The following MYO9B variants were observed in gnomAD, a reference collection of about 807,000 sequenced individuals.
The protein encoded by MYO9B is myosin IXB, also known as unconventional myosin-IXb.
In MYO9B, 71 loss-of-function variants were observed where a neutral mutation model predicts 229.5. The ratio of observed to expected loss-of-function variants is 0.31; its 90% confidence interval spans 0.26 to 0.38. MYO9B has a LOEUF of 0.38. Among genes scored for constraint, MYO9B ranks in the 10% least tolerant of loss-of-function variants. The pLI, the probability that MYO9B is intolerant of heterozygous loss-of-function variation, is 1.00. For missense variants in MYO9B, 2,255 were observed against 2,920.5 expected (o/e 0.77, Z 5.25); for synonymous variants, 1,185 against 1,235.8 (o/e 0.96, Z 0.86).
rs1555704424 is a variant in MYO9B, at chr19:17,197,445, T to TAGAC, written c.4047-344_4047-343insCAGA. 2.3e-3 allele frequency among the ~76,000 whole-genome samples: 347 copies of TAGAC among 151,158 alleles called. 1 individual carries two copies. Among genetic ancestry groups the TAGAC allele is most frequent in the African/African-American group, 8.0e-3 (326 of 40,648 alleles). ...ATAGATAGATAGATAGATAGATAGA[T>TAGAC]AGATACATAGATAGATAGATGGGCA... is the stretch of plus-strand genomic sequence containing the variant. On this transcript the variant is annotated intron_variant, in intron 22 of 39. Transcript: ENST00000682292.
intron 35 of MYO9B, 172 bp downstream of exon 35, chr19:17,207,416 T>A: frequency 2.3e-6 from 2 of 855,394 alleles, no homozygotes; most frequent in Non-Finnish European, 3.5e-6. Context: ...GAGGATCACT[T>A]GAGGCCAGGA....
rs1446287974 is a variant in MYO9B, at chr19:17,154,408, A to G, written c.1192A>G (p.Lys398Glu). Residue 398 changes from lysine to glutamate, a missense_variant, in exon 6 of 40, where the codon AAG becomes GAG. Physicochemically the swap from Lys to Glu is moderately conservative, Grantham distance 56. Transcript: ENST00000682292. ...GATGGTGGGCTTCCTCCCCGCCACCAAGAAGCAGTAAGTGTGCGGGCTCCC... is the reference window on the plus strand; with the variant it reads ...GATGGTGGGCTTCCTCCCCGCCACCGAGAAGCAGTAAGTGTGCGGGCTCCC... ...MEMVGFLPAT[K>E]KQIFAVLSAI... is the part of the protein sequence containing the mutation. 2 of 1,611,102 alleles carry G rather than the reference A, an allele frequency of 1.2e-6. No homozygotes were observed. The highest frequency in any genetic ancestry group is 1.3e-5 in the African/African-American group (1 of 74,830).
At chr19:17,198,883 T>C (rs2073076373) in intron 24 of MYO9B, among the ~76,000 whole-genome samples, 1 of 144,206 alleles carries the variant, frequency 6.9e-6, no homozygotes, top group African/African-American at 2.9e-5. Flanking sequence ...AGTGTCTGTG[T>C]CTTCTGTCTT....
At position 17,180,341 on chromosome 19, in the gene MYO9B, A is replaced by ATT. The variant is rs776734202; in HGVS notation, c.2220-562_2220-561dup. Among the ~76,000 whole-genome samples, 717 of 87,904 alleles carry ATT rather than the reference A, an allele frequency of 8.2e-3. 5 individuals carry two copies. The highest frequency in any genetic ancestry group is 0.012 in the Middle Eastern group (1 of 84). 57.7% of individuals were successfully genotyped at this position (87,904 alleles called of 152,430 possible). Reference sequence around the variant, plus strand: ...AAAGTGGAATGACCAGATGGAAATAATTTTTTTTTTTTTTTTTTTTTTTTT... The same window carrying ATT: ...AAAGTGGAATGACCAGATGGAAATAATTTTTTTTTTTTTTTTTTTTTTTTTTT... On this transcript the variant is annotated intron_variant, in intron 14 of 39. Coordinates refer to ENST00000682292, the MANE Select transcript of MYO9B (RefSeq NM_004145.4).
rs935178967 is a variant in MYO9B at position 17,105,513 on chromosome 19, AG to A, written c.840+2957del. Among the ~76,000 whole-genome samples the A allele has an allele frequency of 2.3e-4, 35 of 152,116 alleles. No homozygotes were observed. In the Middle Eastern group the frequency reaches 0.017, roughly 74 times the overall value. ...CTGTCCCCCAAAAAAAGGGGAGAGG[AG>A]ATTCCTCCATGTCTTTTCGTGGCTT... On this transcript the variant is annotated intron_variant, in intron 2 of 39. Transcript: ENST00000682292.
At chr19:17,118,935 CAG>C (rs1195499131) in intron 2 of MYO9B, among the ~76,000 whole-genome samples, 1 of 152,192 alleles carries the variant, frequency 6.6e-6, no homozygotes, top group Non-Finnish European at 1.5e-5. Context: ...GCCCTCAGTG[CAG>C]GCCGGCCTGA....
chr19:17,123,820 A>G (rs747580807), intron 2 of MYO9B, among the ~76,000 whole-genome samples: 22 of 152,172 alleles, frequency 1.4e-4, no homozygotes, highest in Non-Finnish European at 2.4e-4. Flanking sequence ...TAAGGCAGAC[A>G]TTGTGGCCAT....
At chr19:17,156,798 C>A in intron 6 of MYO9B, 111 bp from the exon 7 acceptor site, 1 of 1,281,888 alleles carries the variant, frequency 7.8e-7, no homozygotes, top group Non-Finnish European at 1.1e-6. Flanking sequence ...AAATTTCATG[C>A]GTTCCGACCA....
chr19:17,119,540 G>A (rs146398403), intron 2 of MYO9B, among the ~76,000 whole-genome samples: 12 of 152,274 alleles, frequency 7.9e-5, no homozygotes, highest in Middle Eastern at 3.4e-3. Flanking sequence ...GAACTGCCAC[G>A]TAAAGAAAAG....
chr19:17,205,043 C>T (rs2073144405), intron 30 of MYO9B, among the ~76,000 whole-genome samples: 1 of 151,644 alleles, frequency 6.6e-6, no homozygotes, highest in Non-Finnish European at 1.5e-5. Context: ...CCCAGCTACT[C>T]GGGAGGCCGA....
intron 2 of MYO9B, among the ~76,000 whole-genome samples, chr19:17,135,650 C>G (rs772625920): frequency 6.6e-6 from 1 of 152,124 alleles, no homozygotes; most frequent in Non-Finnish European, 1.5e-5. Flanking sequence ...ATACCAGACG[C>G]GTGAGGTCAC....
chr19:17,159,580 C>T, intron 8 of MYO9B, 96 bp downstream of exon 8: 1 of 1,102,394 alleles, frequency 9.1e-7, no homozygotes, highest in South Asian at 1.3e-5. Context: ...TGTTCTGTCC[C>T]TGAATGCTAG....
intron 15 of MYO9B, among the ~76,000 whole-genome samples, chr19:17,182,241 G>T (rs1335143899): frequency 6.6e-6 from 1 of 151,924 alleles, no homozygotes; most frequent in African/African-American, 2.4e-5. Context: ...TACCACACCT[G>T]TCTAATTTTA....
chr19:17,181,172 C>T, intron 15 of MYO9B, 132 bp downstream of exon 15: 1 of 594,908 alleles, frequency 1.7e-6, no homozygotes, highest in South Asian at 2.1e-5. Flanking sequence ...CATGGCCCAC[C>T]CCCAGCCATC....
intron 10 of MYO9B, among the ~76,000 whole-genome samples, chr19:17,163,463 T>C (rs2072627161): frequency 6.9e-6 from 1 of 145,700 alleles, no homozygotes; most frequent in Non-Finnish European, 1.5e-5. Context: ...CTCAAACTCC[T>C]AGGCTCAAGT....
rs2073241197 is a variant in MYO9B at position 17,212,306 on chromosome 19, GC to G, written c.6471del (p.Ter2158GlufsTer5). 1 of 1,493,454 alleles carries G rather than the reference GC, an allele frequency of 6.7e-7. No homozygotes were observed. Among genetic ancestry groups the G allele is most frequent in the African/African-American group, 1.4e-5 (1 of 71,130 alleles). 92.5% of individuals were successfully genotyped at this position (1,493,454 alleles called of 1,614,324 possible). The part of the protein sequence containing the change: ...CLPPASGQTN[G>X] ...CCCCCCGCCTCGGGCCAGACCAATGGCTGAGAGCCACAGCTGACAAAGTCTG... is the reference window on the plus strand; with the variant it reads ...CCCCCCGCCTCGGGCCAGACCAATGGTGAGAGCCACAGCTGACAAAGTCTG... On this transcript the variant is annotated frameshift_variant, in exon 40 of 40. Coordinates refer to ENST00000682292, the MANE Select transcript of MYO9B (RefSeq NM_004145.4). LOFTEE classifies it high-confidence loss of function. The surrounding 1 kb of genome is among the most constrained non-coding windows in gnomAD (Gnocchi z 5.4).
chr19:17,081,336 AT>A lies in MYO9B; in HGVS notation c.-59+5467del, dbSNP rs775230301. Among the ~76,000 whole-genome samples, 495 of 152,168 alleles carry A rather than the reference AT, an allele frequency of 3.3e-3. 3 individuals carry two copies. The highest frequency in any genetic ancestry group is 0.014 in the Middle Eastern group (4 of 294). ...GCCACCGTGCCCGGCCTCAACTTAC[AT>A]TTTTAGATAATATAGGAACCTGGAG... is the stretch of plus-strand genomic sequence containing the variant. On this transcript the variant is annotated intron_variant, in intron 1 of 39. Transcript: ENST00000682292.
rs375219063 is a variant in MYO9B, at chr19:17,118,631, G to A, written c.840+16074G>A. Among the ~76,000 whole-genome samples, 124 of 151,986 alleles carry A rather than the reference G, an allele frequency of 8.2e-4. 2 individuals are homozygous for A. Among genetic ancestry groups the A allele is most frequent in the African/African-American group, 2.8e-3 (116 of 41,498 alleles). On this transcript the variant is annotated intron_variant, in intron 2 of 39. Transcript: ENST00000682292. ...CAAATAGCTGGGACTACAGGCGTGC[G>A]CCATCACGCCCACCTGATTTTTGTA...
intron 1 of MYO9B, among the ~76,000 whole-genome samples, chr19:17,098,603 T>C (rs2057714795): frequency 1.3e-5 from 2 of 152,188 alleles, no homozygotes; most frequent in Admixed American, 1.3e-4. Context: ...CATTTCTTTT[T>C]CTTGCAACCT....
Sources: allele counts gnomAD v4.1 joint callset (sites outside exome capture counted in the v4.1 genomes callset), GRCh38; gene constraint gnomAD v4.1.1; non-coding constraint Gnocchi (gnomAD v3.1); transcripts MANE v1.5; gene names NCBI Gene and HGNC (gene_info 2026-07-23, HGNC 2026-07-21).